The following WLS variants were observed in gnomAD, a reference collection of about 807,000 sequenced individuals.
WLS encodes the protein Wnt ligand secretion mediator, also known as protein wntless homolog.
WLS carries 23 observed loss-of-function variants against 62.8 expected under a neutral mutation model. That is an observed-to-expected ratio of 0.37 (90% CI 0.26 to 0.52). The LOEUF is 0.52. WLS is among the 20% of genes least tolerant of loss of function. WLS has a pLI of 0.92. For missense variants in WLS, 615 were observed against 697.3 expected (o/e 0.88, Z 1.33); for synonymous variants, 246 against 244.1 (o/e 1.01, Z -0.07).
At chr1:68,104,959 C>T (rs1275474156) in intron 11 of WLS, among the ~76,000 whole-genome samples, 1 of 152,190 alleles carries the variant, frequency 6.6e-6, no homozygotes, top group African/African-American at 2.4e-5. Context: ...TTGCACCCTC[C>T]TGTCTCTGGT....
chr1:68,173,169 G>A (rs554306188), intron 2 of WLS, among the ~76,000 whole-genome samples: 15 of 152,298 alleles, frequency 9.8e-5, no homozygotes, highest in Admixed American at 5.9e-4. Context: ...CCAATCTTTC[G>A]CTAACAAAGC....
intron 4 of WLS, among the ~76,000 whole-genome samples, chr1:68,154,576 C>T (rs1646871283): frequency 6.6e-6 from 1 of 152,044 alleles, no homozygotes; most frequent in African/African-American, 2.4e-5. Context: ...TATATCAAAA[C>T]CTGAACAGTG....
At position 68,176,566 on chromosome 1, in the gene WLS, C is replaced by T. The variant is rs558009166; in HGVS notation, c.380-17319G>A. Among the ~76,000 whole-genome samples, 39 of 152,334 alleles carry T rather than the reference C, an allele frequency of 2.6e-4. 1 individual carries two copies. Among genetic ancestry groups the T allele is most frequent in the Admixed American group, 5.2e-4 (8 of 15,306 alleles). ...AATTCCTTTTCTTAAGAAACAAACT[C>T]CAAATTTCTTAGCTGGTCATCAAGG... On this transcript the variant is annotated intron_variant, in intron 2 of 11. Coordinates refer to ENST00000262348, the MANE Select transcript of WLS (RefSeq NM_024911.7).
At position 68,180,447 on chromosome 1, in the gene WLS, G is replaced by A. The variant is rs138651142; in HGVS notation, c.379+13508C>T. On this transcript the variant is annotated intron_variant, in intron 2 of 11. Coordinates refer to ENST00000262348, the MANE Select transcript of WLS (RefSeq NM_024911.7). ...GCTGAGTGTTGGGAGGGAAACTGAG[G>A]CAGGGCTTGCATAATGTCTTTGGGA... Among the ~76,000 whole-genome samples, 9 of 152,160 alleles carry A rather than the reference G, an allele frequency of 5.9e-5. No individual in the cohort carries two copies. The East Asian group carries it at 1.7e-3, about 29-fold the overall frequency.
intron 4 of WLS, among the ~76,000 whole-genome samples, chr1:68,154,388 G>A (rs1646868521): frequency 6.6e-6 from 1 of 152,128 alleles, no homozygotes; most frequent in Non-Finnish European, 1.5e-5. Context: ...ATTGGTAAGT[G>A]TTAAGGTAAA....
chr1:68,121,479 C>CA (rs1646362799), downstream of WLS, among the ~76,000 whole-genome samples: 1 of 152,196 alleles, frequency 6.6e-6, no homozygotes, highest in Non-Finnish European at 1.5e-5. Context: ...CACTTCAAGA[C>CA]ATGCTTAGAA....
At chr1:68,158,592 A>T (rs986865429) in intron 3 of WLS, among the ~76,000 whole-genome samples, 1 of 143,878 alleles carries the variant, frequency 7.0e-6, no homozygotes, top group African/African-American at 2.6e-5. Flanking sequence ...TGATGAGCTA[A>T]AAAAAAAAAA....
intron 11 of WLS, among the ~76,000 whole-genome samples, chr1:68,127,737 CT>C (rs1436730486): frequency 1.3e-5 from 2 of 152,168 alleles, no homozygotes; most frequent in Non-Finnish European, 2.9e-5. Flanking sequence ...TAACTAAATG[CT>C]GTTTTCCATT....
intron 11 of WLS, among the ~76,000 whole-genome samples, chr1:68,117,084 TCC>T (rs1456143137): frequency 6.6e-6 from 1 of 150,978 alleles, no homozygotes; most frequent in African/African-American, 2.4e-5. Flanking sequence ...CCTCCCTCCC[TCC>T]CTCTATCCCT....
rs1003411954 is a variant in WLS at position 68,184,457 on chromosome 1, T to C, written c.379+9498A>G. ...GCATGTTAACAAAACAAAAACACTC[T>C]AGAATATATTTTCAAATAACAGAAC... On this transcript the variant is annotated intron_variant, in intron 2 of 11. Transcript: ENST00000262348. 1.3e-5 allele frequency among the ~76,000 whole-genome samples: 2 copies of C among 152,196 alleles called. 1 individual carries two copies. Among genetic ancestry groups the C allele is most frequent in the Admixed American group, 1.3e-4 (2 of 15,288 alleles).
intron 5 of WLS, among the ~76,000 whole-genome samples, chr1:68,151,760 T>A (rs1043775445): frequency 6.6e-6 from 1 of 151,752 alleles, no homozygotes; most frequent in Admixed American, 6.6e-5. Context: ...AGTGACAAGA[T>A]CAGAGGTGGA....
At chr1:68,121,579 CATG>C (rs1570826110), downstream of WLS, among the ~76,000 whole-genome samples, 1 of 152,128 alleles carries the variant, frequency 6.6e-6, no homozygotes, top group South Asian at 2.1e-4. Flanking sequence ...CGTATCAAAA[CATG>C]ATGGAGAGAC....
chr1:68,104,397 C>G (rs1221790162), intron 11 of WLS, among the ~76,000 whole-genome samples: 1 of 152,152 alleles, frequency 6.6e-6, no homozygotes, highest in East Asian at 1.9e-4. Flanking sequence ...ATTAATGCAG[C>G]TGAATATCAC....
intron 11 of WLS, among the ~76,000 whole-genome samples, chr1:68,100,222 G>A (rs777514668): frequency 6.6e-6 from 1 of 152,202 alleles, no homozygotes; most frequent in Middle Eastern, 3.2e-3. Flanking sequence ...TATTAGTTGA[G>A]GATCCACAAG....
At chr1:68,197,608 T>C (rs1320273358) in intron 1 of WLS, among the ~76,000 whole-genome samples, 1 of 152,168 alleles carries the variant, frequency 6.6e-6, no homozygotes, top group East Asian at 1.9e-4. Flanking sequence ...AATAATATAT[T>C]TACAGCTCAG....
At chr1:68,205,825 T>C (rs1649258557) in intron 1 of WLS, among the ~76,000 whole-genome samples, 1 of 152,254 alleles carries the variant, frequency 6.6e-6, no homozygotes, top group Non-Finnish European at 1.5e-5. Context: ...CAAAGGAACC[T>C]TCTGCTGCAC....
chr1:68,176,842 G>A (rs1230663507), intron 2 of WLS, among the ~76,000 whole-genome samples: 1 of 152,178 alleles, frequency 6.6e-6, no homozygotes, highest in Non-Finnish European at 1.5e-5. Flanking sequence ...GCCTCACAGA[G>A]GACAGTAGAG....
At chr1:68,098,566 A>C in exon 12 of WLS, 1 of 1,596,420 alleles carries the variant, frequency 6.3e-7, no homozygotes, top group Non-Finnish European at 8.6e-7. Context: ...TGCGTATACA[A>C]GTACAATCAA....
intron 11 of WLS, among the ~76,000 whole-genome samples, chr1:68,102,931 T>C (rs1282738607): frequency 1.3e-5 from 2 of 152,166 alleles, no homozygotes; most frequent in Non-Finnish European, 2.9e-5. Flanking sequence ...GTGCCTAATG[T>C]TTTCACTCAT....
Sources: allele counts gnomAD v4.1 joint callset (sites outside exome capture counted in the v4.1 genomes callset), GRCh38; gene constraint gnomAD v4.1.1; transcripts MANE v1.5; gene names NCBI Gene and HGNC (gene_info 2026-07-23, HGNC 2026-07-21).